The following ATRNL1 variants were observed in gnomAD, a reference collection of about 807,000 sequenced individuals.
ATRNL1 encodes the protein attractin like 1.
Under a neutral mutation model 182.7 loss-of-function variants are expected in ATRNL1, and 95 were observed. The observed-to-expected ratio is 0.52, with a 90% CI of 0.44 to 0.62. ATRNL1 has a LOEUF of 0.62. ATRNL1 is among the 20% of genes least tolerant of loss of function. ATRNL1 has a pLI of 0.00. For synonymous variants in ATRNL1, 576 were observed against 568.3 expected (o/e 1.01, Z -0.19); for missense variants, 1,471 against 1,679.5 (o/e 0.88, Z 2.17).
intron 11 of ATRNL1, 78 bp downstream of exon 11, chr10:115,265,355 G>A: frequency 1.1e-6 from 1 of 887,616 alleles, no homozygotes; most frequent in South Asian, 1.8e-5. Flanking sequence ...TATTCTTTTT[G>A]AAAATTATCA....
chr10:115,199,898 C>T (rs1459156685), intron 8 of ATRNL1, among the ~76,000 whole-genome samples: 2 of 152,158 alleles, frequency 1.3e-5, no homozygotes, highest in Non-Finnish European at 2.9e-5. Flanking sequence ...AAAGAGACAT[C>T]TAGAAGTCAT....
intron 27 of ATRNL1, among the ~76,000 whole-genome samples, chr10:115,799,954 C>T (rs1555083930): frequency 6.6e-6 from 1 of 152,080 alleles, no homozygotes; most frequent in African/African-American, 2.4e-5. Flanking sequence ...GGCATGGTGG[C>T]TCGCACCTAT....
intron 17 of ATRNL1, among the ~76,000 whole-genome samples, chr10:115,307,077 G>C (rs1247230321): frequency 6.6e-6 from 1 of 152,000 alleles, no homozygotes; most frequent in Non-Finnish European, 1.5e-5. Context: ...TATTATAGAG[G>C]CTTCATTGTC....
chr10:115,389,618 G>A (rs1843917675), intron 19 of ATRNL1, among the ~76,000 whole-genome samples: 1 of 122,008 alleles, frequency 8.2e-6, no homozygotes, highest in Non-Finnish European at 1.6e-5. Flanking sequence ...CACCTAGGTT[G>A]CATCTATATT....
intron 26 of ATRNL1, among the ~76,000 whole-genome samples, chr10:115,555,921 A>G (rs1296034262): frequency 6.6e-6 from 1 of 151,998 alleles, no homozygotes; most frequent in Non-Finnish European, 1.5e-5. Context: ...CTAAAAATAT[A>G]TATATTTGCC....
At chr10:115,274,219 A>T (rs1554914207) in intron 13 of ATRNL1, among the ~76,000 whole-genome samples, 1 of 152,202 alleles carries the variant, frequency 6.6e-6, no homozygotes, top group African/African-American at 2.4e-5. Context: ...CAGAGCTTGT[A>T]TAGTACTCTG....
intron 26 of ATRNL1, among the ~76,000 whole-genome samples, chr10:115,713,987 C>G (rs72641362): frequency 0.03 from 4,603 of 152,212 alleles, 144 homozygotes; most frequent in East Asian, 0.18. Flanking sequence ...CAATAATTTC[C>G]AAAGCCTTTT....
chr10:115,347,569 C>A (rs1277114512), intron 19 of ATRNL1, among the ~76,000 whole-genome samples: 2 of 151,734 alleles, frequency 1.3e-5, no homozygotes, highest in Non-Finnish European at 2.9e-5. Flanking sequence ...AAAGTGCATG[C>A]CGATATTAAG....
At chr10:115,455,607 A>G (rs1847485286) in intron 21 of ATRNL1, among the ~76,000 whole-genome samples, 1 of 152,186 alleles carries the variant, frequency 6.6e-6, no homozygotes, top group Non-Finnish European at 1.5e-5. Flanking sequence ...ACCAAAAGCA[A>G]TTGCAACAAA....
At chr10:115,307,816 G>A (rs1374033083) in intron 17 of ATRNL1, among the ~76,000 whole-genome samples, 1 of 152,162 alleles carries the variant, frequency 6.6e-6, no homozygotes, top group Non-Finnish European at 1.5e-5. Flanking sequence ...CAAAATACAA[G>A]TTAAAAGTAG....
At chr10:115,156,741 A>G (rs1479914948) in intron 5 of ATRNL1, among the ~76,000 whole-genome samples, 1 of 152,122 alleles carries the variant, frequency 6.6e-6, no homozygotes, top group Non-Finnish European at 1.5e-5. Flanking sequence ...CTACCTTGAG[A>G]AATTGTCATA....
At chr10:115,847,235 G>T (rs952698302) in intron 27 of ATRNL1, among the ~76,000 whole-genome samples, 1 of 152,036 alleles carries the variant, frequency 6.6e-6, no homozygotes, top group African/African-American at 2.4e-5. Context: ...ATGAGGAGAT[G>T]TAGGTCAAAG....
intron 27 of ATRNL1, among the ~76,000 whole-genome samples, chr10:115,843,692 T>C (rs945104661): frequency 2.0e-5 from 3 of 152,042 alleles, no homozygotes; most frequent in Non-Finnish European, 2.9e-5. Context: ...TAGATGAGTA[T>C]GTAGGGAATG....
chr10:115,840,717 A>G (rs1420596341), intron 27 of ATRNL1, among the ~76,000 whole-genome samples: 1 of 152,102 alleles, frequency 6.6e-6, no homozygotes, highest in East Asian at 1.9e-4. Flanking sequence ...ATTGAAAGAG[A>G]GTAGAGCAAA....
At chr10:115,749,686 G>A (rs1421874800) in intron 27 of ATRNL1, among the ~76,000 whole-genome samples, 2 of 151,738 alleles carry the variant, frequency 1.3e-5, no homozygotes, top group African/African-American at 4.8e-5. Flanking sequence ...GCCAGGTTTA[G>A]ACCTTAGTAA....
intron 28 of ATRNL1, among the ~76,000 whole-genome samples, chr10:115,926,962 A>G (rs781791742): frequency 1.3e-5 from 2 of 152,182 alleles, no homozygotes; most frequent in Non-Finnish European, 2.9e-5. Context: ...AGACACAACA[A>G]AAAAAGAAAA....
chr10:115,462,930 C>T (rs1387270619), intron 22 of ATRNL1, among the ~76,000 whole-genome samples: 7 of 151,806 alleles, frequency 4.6e-5, no homozygotes, highest in Admixed American at 3.9e-4. Flanking sequence ...ATTTGAAAAT[C>T]CTGAGAATGG....
intron 27 of ATRNL1, among the ~76,000 whole-genome samples, chr10:115,777,018 G>A (rs934829084): frequency 1.1e-4 from 17 of 152,146 alleles, no homozygotes; most frequent in African/African-American, 4.1e-4. Flanking sequence ...AGGATGAAAT[G>A]TACTGATGTC....
chr10:115,529,669 G>A (rs1210798216), intron 25 of ATRNL1, among the ~76,000 whole-genome samples: 1 of 151,792 alleles, frequency 6.6e-6, no homozygotes, highest in East Asian at 1.9e-4. Context: ...GAATCATATA[G>A]GAGAACTAAA....
Sources: gnomAD v4.1 joint callset for allele counts (sites outside exome capture counted in the v4.1 genomes callset) on GRCh38, gnomAD v4.1.1 for gene constraint, MANE v1.5 for transcripts, NCBI Gene and HGNC (gene_info 2026-07-23, HGNC 2026-07-21) for gene names.